Variants in JAKMIP2 observed in about 807,000 individuals in gnomAD.
The protein encoded by JAKMIP2 is janus kinase and microtubule interacting protein 2.
In JAKMIP2, 25 loss-of-function variants were observed where a neutral mutation model predicts 115.0. The ratio of observed to expected loss-of-function variants is 0.22; its 90% CI spans 0.16 to 0.30. The LOEUF (loss-of-function observed/expected upper bound fraction) is 0.30. Among genes scored for constraint, JAKMIP2 ranks in the 10% least tolerant of loss-of-function variants. The pLI is 1.00. For missense variants in JAKMIP2, 642 were observed against 957.6 expected (o/e 0.67, Z 4.35); for synonymous variants, 334 against 343.6 (o/e 0.97, Z 0.31).
intron 2 of JAKMIP2, among the ~76,000 whole-genome samples, chr5:147,668,335 A>G (rs1429339220): frequency 2.6e-5 from 4 of 152,168 alleles, no homozygotes; most frequent in Admixed American, 2.6e-4. Flanking sequence ...ATGTTCATAC[A>G]CACTAACCAA....
In JAKMIP2 at chr5:147,585,839, A is replaced by C. The variant is rs1262545761; in HGVS notation, c.*5868T>G. 1 of 152,150 alleles carries C rather than the reference A, an allele frequency of 6.6e-6. No individual in the cohort carries two copies. Among genetic ancestry groups the C allele is most frequent in the African/African-American group, 2.4e-5 (1 of 41,442 alleles). 9.4% of individuals were successfully genotyped at this position (152,150 alleles called of 1,614,324 possible). ...CATTAGCTCTATACTTGAGTCCCCAAAGTATTGGATCTTGAAGGCTAAAAC... is the reference window on the plus strand; with the variant it reads ...CATTAGCTCTATACTTGAGTCCCCACAGTATTGGATCTTGAAGGCTAAAAC... On this transcript the variant is annotated 3_prime_UTR_variant, in exon 22 of 22. Transcript: ENST00000616793.
At chr5:147,773,981 C>T (rs551016440) in intron 1 of JAKMIP2, among the ~76,000 whole-genome samples, 97 of 152,208 alleles carry the variant, frequency 6.4e-4, no homozygotes, top group African/African-American at 2.0e-3. Context: ...TATTGCTAAA[C>T]ATTTTAAGCA....
rs1369691622 is a variant in JAKMIP2 at position 147,635,916 on chromosome 5, TGC to T, written c.1677+304_1677+305del. ...TACACAGGATGTGCACGTGTGTGTG[TGC>T]GTGTATGTATATATATATGTACAGT... On this transcript the variant is annotated intron_variant, in intron 12 of 21. Coordinates refer to ENST00000616793, the MANE Select transcript of JAKMIP2 (RefSeq NM_001270941.2). Among the ~76,000 whole-genome samples, 961 of 152,256 alleles carry T rather than the reference TGC, an allele frequency of 6.3e-3. 48 individuals are homozygous for T. The East Asian group carries it at 0.13, about 21-fold the overall frequency.
intron 1 of JAKMIP2, among the ~76,000 whole-genome samples, chr5:147,680,773 T>C (rs1199076837): frequency 6.6e-6 from 1 of 152,210 alleles, no homozygotes; most frequent in Non-Finnish European, 1.5e-5. Flanking sequence ...AAAAATTTAA[T>C]GTAAAGGAGA....
intron 20 of JAKMIP2, among the ~76,000 whole-genome samples, chr5:147,606,935 A>G (rs1756048539): frequency 1.3e-5 from 2 of 152,106 alleles, no homozygotes; most frequent in African/African-American, 4.8e-5. Context: ...TTCTCCTTGT[A>G]GCAATTGTGA....
chr5:147,765,702 A>T (rs1291220492), intron 1 of JAKMIP2, among the ~76,000 whole-genome samples: 1 of 152,128 alleles, frequency 6.6e-6, no homozygotes, highest in Non-Finnish European at 1.5e-5. Flanking sequence ...GTTCATTGGC[A>T]AAATCTTGGG....
chr5:147,653,052 G>A lies in JAKMIP2; in HGVS notation c.628-2505C>T, dbSNP rs140066339. Among the ~76,000 whole-genome samples the A allele has an allele frequency of 8.7e-3, 1,322 of 152,112 alleles. 7 individuals are homozygous for A. Among genetic ancestry groups the A allele is most frequent in the Non-Finnish European group, 0.014 (952 of 68,006 alleles). Reference sequence around the variant, plus strand: ...GGACATGAACTCATTCTTTTTTTATGGCTGCATAGTATTCCATGGTGCACA... The same window carrying A: ...GGACATGAACTCATTCTTTTTTTATAGCTGCATAGTATTCCATGGTGCACA... On this transcript the variant is annotated intron_variant, in intron 3 of 21. Transcript: ENST00000616793.
rs572759234 is a variant in JAKMIP2, at chr5:147,746,830, C to T, written c.-149+35626G>A. 2.0e-4 allele frequency among the ~76,000 whole-genome samples: 30 copies of T among 152,200 alleles called. No individual in the cohort carries two copies. In the East Asian group the frequency reaches 5.0e-3, roughly 25 times the overall value. On this transcript the variant is annotated intron_variant, in intron 1 of 21. Transcript: ENST00000616793. ...CTTTATAATTGGTGACCTAGTAGTC[C>T]ACTGGTTTCCTTTAACACAGTTTGT...
intron 21 of JAKMIP2, among the ~76,000 whole-genome samples, chr5:147,593,489 C>A (rs1755198944): frequency 6.6e-6 from 1 of 150,550 alleles, no homozygotes; most frequent in African/African-American, 2.5e-5. Flanking sequence ...ACGGCTGAGC[C>A]TTGAAGAGGA....
chr5:147,634,858 G>T (rs1395297233), intron 12 of JAKMIP2, among the ~76,000 whole-genome samples: 1 of 152,178 alleles, frequency 6.6e-6, no homozygotes, highest in South Asian at 2.1e-4. Flanking sequence ...CAGCCAGGAT[G>T]TTGTGGTTAA....
chr5:147,631,359 C>T, intron 14 of JAKMIP2, 54 bp downstream of exon 14: 2 of 1,159,288 alleles, frequency 1.7e-6, no homozygotes, highest in Admixed American at 2.1e-5. Context: ...TCCCCTTTTC[C>T]AATTCCCAGT....
intron 1 of JAKMIP2, among the ~76,000 whole-genome samples, chr5:147,684,296 A>AACACAC (rs10565596): frequency 2.0e-4 from 29 of 147,370 alleles, no homozygotes; most frequent in Non-Finnish European, 2.1e-4. Flanking sequence ...AGTGCCAGAG[A>AACACAC]ACACACACAC....
chr5:147,712,888 G>A (rs1752837258), intron 1 of JAKMIP2, among the ~76,000 whole-genome samples: 1 of 152,148 alleles, frequency 6.6e-6, no homozygotes, highest in South Asian at 2.1e-4. Flanking sequence ...ACCTTTTAGA[G>A]AATGCTAAGA....
At chr5:147,617,853 G>C (rs1756663887) in intron 19 of JAKMIP2, 58 bp downstream of exon 19, 1 of 1,380,834 alleles carries the variant, frequency 7.2e-7, no homozygotes, top group African/African-American at 1.4e-5. Flanking sequence ...CGTGTACCTA[G>C]TACTAAGTTC....
intron 1 of JAKMIP2, among the ~76,000 whole-genome samples, chr5:147,694,229 G>GA (rs967482595): frequency 4.6e-5 from 7 of 151,810 alleles, no homozygotes; most frequent in Non-Finnish European, 7.4e-5. Flanking sequence ...AGTTTTTTTA[G>GA]AAAAAACCCC....
In JAKMIP2 at chr5:147,648,406, A is replaced by T; in HGVS notation, c.906T>A (p.Asn302Lys). Residue 302 changes from asparagine (N) to lysine (K), a missense_variant, in exon 5 of 22, where the codon AAT becomes AAA. Asn to Lys is a moderately conservative substitution (Grantham distance 94, BLOSUM62 0). Coordinates refer to ENST00000616793, the MANE Select transcript of JAKMIP2 (RefSeq NM_001270941.2). The part of the protein sequence containing the change: ...NATIRKLEDR[N>K]TLLGDERNEL... ...CATTTCGTTCATCTCCAAGCAAGGT[A>T]TTCCTGTCTTCTAATTTTCTTATAG... is the stretch of plus-strand genomic sequence containing the variant. The T allele has an allele frequency of 6.2e-7, 1 of 1,608,892 alleles. No individual in the cohort carries two copies. The highest frequency in any genetic ancestry group is 8.5e-7 in the Non-Finnish European group (1 of 1,175,722).
chr5:147,663,912 G>A (rs993750447), intron 2 of JAKMIP2, among the ~76,000 whole-genome samples: 12 of 151,990 alleles, frequency 7.9e-5, no homozygotes, highest in Non-Finnish European at 1.3e-4. Flanking sequence ...TGTGGCATCC[G>A]CTAGTTACCA....
intron 21 of JAKMIP2, chr5:147,594,476 A>G (rs1236715115): frequency 2.2e-6 from 1 of 453,568 alleles, no homozygotes; most frequent in South Asian, 1.6e-5. Context: ...CTGGTACTAC[A>G]GGTATGTGCC....
At chr5:147,751,218 C>T (rs563913092) in intron 1 of JAKMIP2, among the ~76,000 whole-genome samples, 10 of 151,358 alleles carry the variant, frequency 6.6e-5, no homozygotes, top group Admixed American at 4.6e-4. Context: ...ATTATAGGCT[C>T]GTGCCGCCAG....
Sources: allele counts gnomAD v4.1 joint callset (sites outside exome capture counted in the v4.1 genomes callset), GRCh38; gene constraint gnomAD v4.1.1; transcripts MANE v1.5; gene names NCBI Gene and HGNC (gene_info 2026-07-23, HGNC 2026-07-21).